The following ZNF251 variants were observed in gnomAD, a reference collection of about 807,000 sequenced individuals.
ZNF251 encodes zinc finger protein 251.
Under a neutral mutation model 13.5 loss-of-function variants are expected in ZNF251, and 14 were observed. That is an observed-to-expected ratio of 1.04 (90% confidence interval 0.69 to 1.63). ZNF251 has a LOEUF of 1.63. ZNF251 is among the 40% of genes most tolerant of loss of function. The pLI is 0.00. For synonymous variants in ZNF251, 287 were observed against 295.2 expected, an observed-to-expected ratio of 0.97 and a Z score of 0.28; for missense variants, 764 against 834.9, an observed-to-expected ratio of 0.92 and a Z score of 1.05.
At chr8:144,753,843 T>C (rs1306026174) in intron 3 of ZNF251, 47 bp from the exon 4 acceptor site, 1 of 1,438,732 alleles carries the variant, frequency 7.0e-7, no homozygotes. Flanking sequence ...CCACTGGGCC[T>C]TCCAGGCCAG....
chr8:144,728,870 C>T (rs1034637015), intron 4 of ZNF251, among the ~76,000 whole-genome samples: 1 of 151,900 alleles, frequency 6.6e-6, no homozygotes, highest in South Asian at 2.1e-4. Context: ...GGGCAGATCA[C>T]CTGAGGTCAG....
At chr8:144,744,864 T>C (rs574891903) in intron 4 of ZNF251, among the ~76,000 whole-genome samples, 1 of 152,216 alleles carries the variant, frequency 6.6e-6, no homozygotes, top group Non-Finnish European at 1.5e-5. Context: ...GAGACCAGCA[T>C]GGCCAACATG....
At chr8:144,725,158 T>C (rs939633719) in intron 4 of ZNF251, among the ~76,000 whole-genome samples, 2 of 152,200 alleles carry the variant, frequency 1.3e-5, no homozygotes, top group African/African-American at 4.8e-5. Context: ...CGACTACAGA[T>C]GCTCACCACT....
intron 4 of ZNF251, among the ~76,000 whole-genome samples, chr8:144,728,727 G>C (rs1563756335): frequency 6.6e-6 from 1 of 151,264 alleles, no homozygotes; most frequent in Non-Finnish European, 1.5e-5. Context: ...AAAGAAGTGA[G>C]CACGTGCTGT....
intron 4 of ZNF251, among the ~76,000 whole-genome samples, chr8:144,753,196 G>A (rs1384497282): frequency 6.8e-6 from 1 of 146,378 alleles, no homozygotes; most frequent in Non-Finnish European, 1.5e-5. Flanking sequence ...GATTGCCTGA[G>A]CCTGGTACGT....
At chr8:144,755,315 T>C (rs1824909692) in intron 1 of ZNF251, 90 bp downstream of exon 1, 6 of 1,277,232 alleles carry the variant, frequency 4.7e-6, no homozygotes, top group Admixed American at 2.3e-5. Context: ...AGGCTCCTCC[T>C]GGACTGGCCG....
intron 4 of ZNF251, chr8:144,753,359 C>G (rs775180456): frequency 4.5e-5 from 8 of 179,734 alleles, no homozygotes; most frequent in Non-Finnish European, 6.7e-5. Context: ...ATAAAAAGGA[C>G]ATGGTAGGGT....
intron 2 of ZNF251, 124 bp from the exon 3 acceptor site, chr8:144,754,445 C>T (rs1824858230): frequency 6.9e-7 from 1 of 1,447,030 alleles, no homozygotes; most frequent in African/African-American, 1.4e-5. Flanking sequence ...AACTGTGTAT[C>T]AGCAGGTCCC....
chr8:144,747,100 C>A (rs1824464270), intron 4 of ZNF251, among the ~76,000 whole-genome samples: 1 of 152,170 alleles, frequency 6.6e-6, no homozygotes, highest in Non-Finnish European at 1.5e-5. Context: ...GCAGTCAATG[C>A]TATAAATTTC....
At chr8:144,755,306 G>C in intron 1 of ZNF251, 99 bp downstream of exon 1, 2 of 1,265,640 alleles carry the variant, frequency 1.6e-6, no homozygotes, top group Non-Finnish European at 2.0e-6. Flanking sequence ...ACCCAGAACA[G>C]GCTCCTCCTG....
chr8:144,753,626 C>G, intron 4 of ZNF251, 57 bp downstream of exon 4: 3 of 1,414,898 alleles, frequency 2.1e-6, no homozygotes, highest in South Asian at 1.2e-5. Context: ...TCGCTTGGAG[C>G]CTCTTAAGGC....
At chr8:144,730,787 C>T (rs1823670718) in intron 4 of ZNF251, among the ~76,000 whole-genome samples, 1 of 152,224 alleles carries the variant, frequency 6.6e-6, no homozygotes. Flanking sequence ...TTGGACACCC[C>T]CGAAACACAC....
In ZNF251 at chr8:144,754,814, G is replaced by T. The variant is rs1363012612; in HGVS notation, c.-75-11C>A. 6.4e-7 allele frequency: 1 copy of T among 1,552,808 alleles called. No homozygotes were observed. On this transcript the variant is annotated splice_polypyrimidine_tract_variant and intron_variant, in intron 1 of 4. Coordinates refer to ENST00000292562, the MANE Select transcript of ZNF251 (RefSeq NM_138367.2). ...TCTCCCCGAACTTACCTTCAGTGGG[G>T]AGAACTCAGGCTCAGCCCCATTCAA...
At chr8:144,735,652 C>T (rs751688140) in intron 4 of ZNF251, among the ~76,000 whole-genome samples, 5 of 152,100 alleles carry the variant, frequency 3.3e-5, no homozygotes, top group Non-Finnish European at 7.3e-5. Context: ...GCCTCCGTGC[C>T]GTGGATACTC....
chr8:144,740,581 A>G lies in ZNF251; in HGVS notation c.277+13102T>C, dbSNP rs529752041. On this transcript the variant is annotated intron_variant, in intron 4 of 4. Transcript: ENST00000292562. The stretch of plus-strand genomic sequence containing the variant: ...AACCTGGGAGGCAGAAGTTGCACTG[A>G]GCCAAGATGGCACCACTGCACTCCA... 9.2e-5 allele frequency among the ~76,000 whole-genome samples: 14 copies of G among 151,526 alleles called. No individual in the cohort carries two copies. In the East Asian group the frequency reaches 2.1e-3, roughly 23 times the overall value.
At position 144,731,947 on chromosome 8, in the gene ZNF251, C is replaced by CTTTTTTTT. The variant is rs1563758169; in HGVS notation, c.278-8566_278-8565insAAAAAAAA. On this transcript the variant is annotated intron_variant, in intron 4 of 4. Coordinates refer to ENST00000292562, the MANE Select transcript of ZNF251 (RefSeq NM_138367.2). ...AATAAAGGACATGTCCTGACAGCTG[C>CTTTTTTTT]ATTTTTTTTTTTTAAGACAGAGTCT... Among the ~76,000 whole-genome samples, 967 of 136,656 alleles carry CTTTTTTTT rather than the reference C, an allele frequency of 7.1e-3. 14 individuals carry two copies. Among genetic ancestry groups the CTTTTTTTT allele is most frequent in the African/African-American group, 0.028 (923 of 32,800 alleles). The allele number at this position is 136,656 out of a possible 152,430, so 89.7% of individuals were successfully genotyped here. A position where few individuals can be genotyped will look rare whatever the true frequency, so the allele number is the denominator to read the frequency against.
chr8:144,730,052 C>T (rs955026344), intron 4 of ZNF251: 1 of 985,492 alleles, frequency 1.0e-6, no homozygotes, highest in African/African-American at 1.7e-5. Flanking sequence ...CGCTCACTCA[C>T]TGTGCAGCTG....
At chr8:144,729,951 T>C (rs1823644635) in intron 4 of ZNF251, 2 of 666,262 alleles carry the variant, frequency 3.0e-6, no homozygotes, top group Non-Finnish European at 3.7e-6. Context: ...TGTTCAATTG[T>C]AACAGTTTCT....
chr8:144,722,253 A>G lies in ZNF251; in HGVS notation c.1407T>C (p.Ala469=). 6.2e-7 allele frequency: 1 copy of G among 1,609,168 alleles called. No individual in the cohort carries two copies. Among genetic ancestry groups the G allele is most frequent in the Non-Finnish European group, 8.5e-7 (1 of 1,178,394 alleles). ...KPYQCVECGK[A]FSQSSQLTLH... ...GGGTGAGCTGGGAGCTCTGGCTGAA[A>G]GCTTTCCCACATTCAACGCACTGGT... is the stretch of plus-strand genomic sequence containing the variant. Residue 469 remains alanine, a synonymous_variant, in exon 5 of 5, where the codon GCT becomes GCC. Coordinates refer to ENST00000292562, the MANE Select transcript of ZNF251 (RefSeq NM_138367.2). The surrounding 1 kb of genome is among the most constrained non-coding windows in gnomAD (Gnocchi z 4.8).
Sources: gnomAD v4.1 joint callset for allele counts (sites outside exome capture counted in the v4.1 genomes callset) on GRCh38, gnomAD v4.1.1 for gene constraint, Gnocchi (gnomAD v3.1) non-coding constraint, MANE v1.5 for transcripts, NCBI Gene and HGNC (gene_info 2026-07-23, HGNC 2026-07-21) for gene names.